Variants in COL16A1 observed in about 807,000 individuals in gnomAD.
The protein encoded by COL16A1 is collagen type XVI alpha 1 chain.
COL16A1 carries 189 observed loss-of-function variants against 266.3 expected under a neutral mutation model. The observed-to-expected ratio is 0.71, with a 90% CI of 0.63 to 0.80. COL16A1 has a LOEUF of 0.80. COL16A1 is among the 30% of genes least tolerant of loss of function. The pLI is 0.00. For synonymous variants in COL16A1, 740 were observed against 782.3 expected (o/e 0.95, Z 0.90); for missense variants, 1,928 against 2,122.4 (o/e 0.91, Z 1.80).
Position 31,668,215 on chromosome 1 carries a change from G to C in COL16A1, c.3253C>G (p.Pro1085Ala). 6.2e-7 allele frequency: 1 copy of C among 1,613,498 alleles called. No individual in the cohort carries two copies. The highest frequency in any genetic ancestry group is 8.5e-7 in the Non-Finnish European group (1 of 1,179,670). Residue 1085 changes from proline (P) to alanine (A), a missense_variant, in exon 51 of 71, where the codon CCT (proline) becomes GCT (alanine). By Grantham distance (27) the Pro-to-Ala change is conservative. Around this residue, in one of 2 missense-constraint regions of COL16A1, gnomAD observed 1,552 missense variants for 1,637.2 expected, o/e 0.95. Coordinates refer to ENST00000373672, the MANE Select transcript of COL16A1 (RefSeq NM_001856.4). The surrounding 1 kb of genome is among the most constrained non-coding windows in gnomAD (Gnocchi z 5.8). ...GLTGDKGEPGPPGQPGYPGAT... is the reference protein window; with the variant it reads ...GLTGDKGEPGAPGQPGYPGAT... ...CCTGGGTAACCTGGTTGCCCTGGAG[G>C]ACCCTGCAAAGAAAGGCAGACATGA...
chr1:31,681,065 G>A lies in COL16A1; in HGVS notation c.2541C>T (p.Gly847=), dbSNP rs1214180811. The part of the protein sequence containing the change: ...PPGASVSGPP[G]RDGQQGQTGL... ...CCGTCTGTCCTTGCTGCCCATCACG[G>A]CCCTGAAGAGAGAGAGCCCAGAGTC... Residue 847 remains glycine (G), a splice_region_variant and synonymous_variant, in exon 38 of 71, where the codon GGC becomes GGT. Transcript: ENST00000373672. 1 of 1,612,004 alleles carries A rather than the reference G, an allele frequency of 6.2e-7. No individual in the cohort carries two copies. Among genetic ancestry groups the A allele is most frequent in the East Asian group, 2.2e-5 (1 of 44,852 alleles).
At chr1:31,675,609 T>C (rs1233967470) in intron 42 of COL16A1, among the ~76,000 whole-genome samples, 1 of 152,248 alleles carries the variant, frequency 6.6e-6, no homozygotes, top group African/African-American at 2.4e-5. Context: ...TGTTTATTTC[T>C]GTGCTAAGTC....
At position 31,679,658 on chromosome 1, in the gene COL16A1, C is replaced by T. The variant is rs1246713237; in HGVS notation, c.2746G>A (p.Gly916Ser). ...QGPPGIPGPP[G>S]PPGVPGLQGV... ...TGCAGCCCAGGTACTCCAGGGGGGCCTGGTGGTCCGGGAATACCTGGTGGA... is the reference window on the plus strand; with the variant it reads ...TGCAGCCCAGGTACTCCAGGGGGGCTTGGTGGTCCGGGAATACCTGGTGGA... The change falls in exon 42 of 71, where the codon GGC becomes AGC. Residue 916 changes from glycine to serine, a missense_variant. Gly to Ser is a moderately conservative substitution (Grantham distance 56, BLOSUM62 0). Coordinates refer to ENST00000373672, the MANE Select transcript of COL16A1 (RefSeq NM_001856.4). The T allele has an allele frequency of 8.1e-6, 13 of 1,614,156 alleles. No homozygotes were observed. The highest frequency in any genetic ancestry group is 1.0e-5 in the Non-Finnish European group (12 of 1,180,026).
chr1:31,652,786 AG>A lies in COL16A1; in HGVS notation c.4679del (p.Pro1560LeufsTer37). The A allele has an allele frequency of 6.2e-7, 1 of 1,600,668 alleles. No individual in the cohort carries two copies. The highest frequency in any genetic ancestry group is 8.5e-7 in the Non-Finnish European group (1 of 1,175,760). On this transcript the variant is annotated frameshift_variant, in exon 71 of 71. Transcript: ENST00000373672. LOFTEE classifies it high-confidence loss of function. The surrounding 1 kb of genome is among the most constrained non-coding windows in gnomAD (Gnocchi z 4.8). Reference protein sequence around the residue: ...ATGPMGQQGIPGIPGPPGPMG... With the variant: ...ATGPMGQQGIXGIPGPPGPMG... ...TGGGACCCGGGGGCCCAGGGATGCCAGGGATGCCTTGCTGGCCCATTGGTCC... is the reference window on the plus strand; with the variant it reads ...TGGGACCCGGGGGCCCAGGGATGCCAGGATGCCTTGCTGGCCCATTGGTCC...
At chr1:31,681,220 G>A (rs1210269282) in intron 37 of COL16A1, among the ~76,000 whole-genome samples, 153 bp from the exon 38 acceptor site, 1 of 152,256 alleles carries the variant, frequency 6.6e-6, no homozygotes, top group East Asian at 1.9e-4. Flanking sequence ...AGGAGACTGA[G>A]GTGCCGGACA....
chr1:31,666,175 G>T, intron 52 of COL16A1, 94 bp from the exon 53 acceptor site: 1 of 1,331,026 alleles, frequency 7.5e-7, no homozygotes, highest in Non-Finnish European at 1.0e-6. Flanking sequence ...GAACAGAGGT[G>T]GCATGTGCTG....
Position 31,658,495 on chromosome 1 carries a change from C to T in COL16A1, c.4013G>A (p.Gly1338Asp). 2 of 1,600,300 alleles carry T rather than the reference C, an allele frequency of 1.2e-6. No individual in the cohort carries two copies. Among genetic ancestry groups the T allele is most frequent in the Non-Finnish European group, 8.5e-7 (1 of 1,174,364 alleles). ...TAGAATGTGGGATCTTACTGGGGGG[C>T]CAGGGTGTCCAGGGGGGCCGGGCTG... ...PGQPGPPGHPGPPGEPGTDGA... is the reference protein window; with the variant it reads ...PGQPGPPGHPDPPGEPGTDGA... Residue 1338 changes from glycine to aspartate, a missense_variant, in exon 64 of 71, where the codon GGC becomes GAC. Around this residue, in one of 2 missense-constraint regions of COL16A1, gnomAD observed 376 missense variants for 485.2 expected, o/e 0.77. Transcript: ENST00000373672.
chr1:31,698,361 G>C lies in COL16A1; in HGVS notation c.390+122C>G, dbSNP rs1644588262. 12 of 1,543,714 alleles carry C rather than the reference G, an allele frequency of 7.8e-6. No homozygotes were observed. Among genetic ancestry groups the C allele is most frequent in the Non-Finnish European group, 1.1e-5 (12 of 1,139,534 alleles). The stretch of plus-strand genomic sequence containing the variant: ...GTAGGTACTGGTGGGCTGGGGACAG[G>C]CTTGAGGGTAGGCACAGGATGGAGC... On this transcript the variant is annotated intron_variant, in intron 5 of 70. Transcript: ENST00000373672. This position sits in a 1 kb window ranked among gnomAD's most constrained non-coding sequence, Gnocchi z 4.1.
In COL16A1 at chr1:31,664,278, G is replaced by A. The variant is rs1478481762; in HGVS notation, c.3555+894C>T. Among the ~76,000 whole-genome samples, 1 of 152,202 alleles carries A rather than the reference G, an allele frequency of 6.6e-6. No homozygotes were observed. The highest frequency in any genetic ancestry group is 2.4e-5 in the African/African-American group (1 of 41,462). The stretch of plus-strand genomic sequence containing the variant: ...GGTAGTGAGGTGCCCGGGTCCTCCT[G>A]GAGCTGGGAAGGAAGTCTCAGCTCT... On this transcript the variant is annotated intron_variant, in intron 56 of 70. Transcript: ENST00000373672. This position sits in a 1 kb window ranked among gnomAD's most constrained non-coding sequence, Gnocchi z 5.5.
In COL16A1 at chr1:31,656,533, C is replaced by T; in HGVS notation, c.4057-89G>A. On this transcript the variant is annotated intron_variant, in intron 65 of 70. Coordinates refer to ENST00000373672, the MANE Select transcript of COL16A1 (RefSeq NM_001856.4). The surrounding 1 kb of genome is among the most constrained non-coding windows in gnomAD (Gnocchi z 4.2). ...AGGTGCAGTGAAGAGGCCCCTTCCACAGCCTGAGGCCCCCAGGTGTGTCCA... is the reference window on the plus strand; with the variant it reads ...AGGTGCAGTGAAGAGGCCCCTTCCATAGCCTGAGGCCCCCAGGTGTGTCCA... 2 of 1,549,586 alleles carry T rather than the reference C, an allele frequency of 1.3e-6. No individual in the cohort carries two copies. The highest frequency in any genetic ancestry group is 2.4e-5 in the South Asian group (2 of 84,018).
chr1:31,687,641 G>A (rs967473164), intron 26 of COL16A1, among the ~76,000 whole-genome samples: 21 of 151,764 alleles, frequency 1.4e-4, no homozygotes, highest in South Asian at 2.1e-4. Context: ...AGGGGGCAGC[G>A]TCAGGAGTGA....
chr1:31,667,618 C>T lies in COL16A1; in HGVS notation c.3314G>A (p.Gly1105Glu). Residue 1105 changes from glycine (G) to glutamate (E), a missense_variant, in exon 52 of 71, where the codon GGG becomes GAG. Transcript: ENST00000373672. ...CGCTGACCCGGTGTAGCCACGCTCC[C>T]CCTTGATGCCCTGACAAGTGGCAAA... is the stretch of plus-strand genomic sequence containing the variant. ...TGPPGLPGIK[G>E]ERGYTGSAGE... is the part of the protein sequence containing the mutation. 1 of 1,605,474 alleles carries T rather than the reference C, an allele frequency of 6.2e-7. No homozygotes were observed. The highest frequency in any genetic ancestry group is 8.5e-7 in the Non-Finnish European group (1 of 1,176,358).
In COL16A1 at chr1:31,670,708, G is replaced by A. The variant is rs942512948; in HGVS notation, c.3151-62C>T. The A allele has an allele frequency of 5.1e-6, 7 of 1,359,892 alleles. No individual in the cohort carries two copies. Among genetic ancestry groups the A allele is most frequent in the Middle Eastern group, 1.8e-4 (1 of 5,480 alleles). The allele number at this position is 1,359,892 out of a possible 1,614,324, so 84.2% of individuals were successfully genotyped here. Reference sequence around the variant, plus strand: ...ACAGTAACCCTGGGACAGCCTGGAGGGCACAGTCTGGGGCTTGGGGGTCAT... The same window carrying A: ...ACAGTAACCCTGGGACAGCCTGGAGAGCACAGTCTGGGGCTTGGGGGTCAT... On this transcript the variant is annotated intron_variant, in intron 48 of 70. Coordinates refer to ENST00000373672, the MANE Select transcript of COL16A1 (RefSeq NM_001856.4). This position sits in a 1 kb window ranked among gnomAD's most constrained non-coding sequence, Gnocchi z 4.5.
At position 31,656,361 on chromosome 1, in the gene COL16A1, G is replaced by A. The variant is rs377423535; in HGVS notation, c.4101+39C>T. ...ACTTGCAGCTGGGCTTCATCCACTC[G>A]TGAGCTTCTCCTCTCAAGCCCAGCC... On this transcript the variant is annotated intron_variant, in intron 66 of 70. Coordinates refer to ENST00000373672, the MANE Select transcript of COL16A1 (RefSeq NM_001856.4). The surrounding 1 kb of genome is among the most constrained non-coding windows in gnomAD (Gnocchi z 4.2). 2.1e-5 allele frequency: 34 copies of A among 1,610,752 alleles called. No individual in the cohort carries two copies. Among genetic ancestry groups the A allele is most frequent in the Admixed American group, 8.4e-5 (5 of 59,560 alleles).
chr1:31,668,305 T>C lies in COL16A1; in HGVS notation c.3250-87A>G. On this transcript the variant is annotated intron_variant, in intron 50 of 70. Coordinates refer to ENST00000373672, the MANE Select transcript of COL16A1 (RefSeq NM_001856.4). This position sits in a 1 kb window ranked among gnomAD's most constrained non-coding sequence, Gnocchi z 5.8. ...TAAGAGGATGGCCAAAGCTAAAACC[T>C]CTGGGGCTGCCATCTAGCAGGTGCC... 7.1e-7 allele frequency: 1 copy of C among 1,414,702 alleles called. No homozygotes were observed. Among genetic ancestry groups the C allele is most frequent in the Non-Finnish European group, 9.9e-7 (1 of 1,006,764 alleles). The allele number at this position is 1,414,702 out of a possible 1,614,324, so 87.6% of individuals were successfully genotyped here.
chr1:31,701,382 C>T, intron 2 of COL16A1: 1 of 985,418 alleles, frequency 1.0e-6, no homozygotes. Context: ...GGCGGCCACA[C>T]TCACCCTGGG....
At chr1:31,691,068 C>G in intron 20 of COL16A1, 120 bp downstream of exon 20, 2 of 1,487,640 alleles carry the variant, frequency 1.3e-6, no homozygotes, top group Non-Finnish European at 1.8e-6. Context: ...GCCTCCTCCT[C>G]CAAAGGCCCG....
intron 29 of COL16A1, 134 bp from the exon 30 acceptor site, chr1:31,684,990 T>G: frequency 6.5e-7 from 1 of 1,544,050 alleles, no homozygotes; most frequent in Admixed American, 1.8e-5. Context: ...GAAGCAATCT[T>G]GCCCAGGTGC....
intron 62 of COL16A1, chr1:31,660,001 C>T (rs1173011101): frequency 4.0e-5 from 5 of 125,466 alleles, no homozygotes; most frequent in Admixed American, 2.9e-4. Context: ...TTAACATTTC[C>T]GAAAGCCTCC....
Sources: allele counts gnomAD v4.1 joint callset (sites outside exome capture counted in the v4.1 genomes callset), GRCh38; gene constraint gnomAD v4.1.1; regional missense constraint gnomAD v4.1.1; non-coding constraint Gnocchi (gnomAD v3.1); transcripts MANE v1.5; gene names NCBI Gene and HGNC (gene_info 2026-07-23, HGNC 2026-07-21).